TMEM17: variants seen among roughly 807,000 people sequenced by gnomAD.
The protein encoded by TMEM17 is transmembrane protein 17.
In TMEM17, 15 loss-of-function variants were observed where a neutral mutation model predicts 19.1. The ratio of observed to expected loss-of-function variants is 0.78; its 90% CI spans 0.52 to 1.21. The LOEUF (loss-of-function observed/expected upper bound fraction) is 1.21, where lower values mean the gene tolerates loss of function less well. Among genes scored for constraint, TMEM17 ranks in the 50% most tolerant of loss-of-function variants. The probability of loss-of-function intolerance (pLI) is 0.00; values close to 1 mark genes in which losing one functional copy is unlikely to be tolerated. For missense variants in TMEM17, 245 were observed against 242.3 expected, an observed-to-expected ratio of 1.01 and a Z score of -0.07; for synonymous variants, 103 against 86.9, an observed-to-expected ratio of 1.19 and a Z score of -1.03.
intron 1 of TMEM17, 59 bp downstream of exon 1, chr2:62,505,971 A>G (rs1034134367): frequency 4.3e-5 from 65 of 1,498,396 alleles, no homozygotes; most frequent in Non-Finnish European, 5.9e-5. Context: ...TGGACGCTCC[A>G]AAATCCACGC....
At chr2:62,492,438 G>A in the TMEM17 span, among the ~76,000 whole-genome samples, 1 of 152,172 alleles carries the variant, frequency 6.6e-6, no homozygotes, top group Non-Finnish European at 1.5e-5. Flanking sequence ...CATGAGTTTT[G>A]GGGATCCAGC....
At chr2:62,487,232 G>T in the TMEM17 span, among the ~76,000 whole-genome samples, 2 of 152,120 alleles carry the variant, frequency 1.3e-5, no homozygotes, top group Admixed American at 6.5e-5. Context: ...CTTACCTTTT[G>T]CCACCACATT....
the TMEM17 span, among the ~76,000 whole-genome samples, chr2:62,455,272 C>T: frequency 1.3e-5 from 2 of 152,154 alleles, no homozygotes; most frequent in African/African-American, 4.8e-5. Flanking sequence ...TCTTGAGACT[C>T]CTCCATATTG....
the TMEM17 span, among the ~76,000 whole-genome samples, chr2:62,466,403 G>A: frequency 1.3e-5 from 2 of 152,190 alleles, no homozygotes; most frequent in Admixed American, 6.5e-5. Context: ...GGGAGAAAAT[G>A]GATGTTGGGA....
At chr2:62,487,462 A>G in the TMEM17 span, among the ~76,000 whole-genome samples, 3 of 152,208 alleles carry the variant, frequency 2.0e-5, no homozygotes, top group Non-Finnish European at 4.4e-5. Context: ...CATGTAACCT[A>G]TTCACAGTTT....
chr2:62,477,019 GGA>G, the TMEM17 span, among the ~76,000 whole-genome samples: 10 of 152,208 alleles, frequency 6.6e-5, no homozygotes, highest in South Asian at 2.1e-3. Context: ...GAGGGACTGG[GGA>G]GAGAGAGGGA....
downstream of TMEM17, among the ~76,000 whole-genome samples, chr2:62,498,814 T>C (rs940500209): frequency 6.6e-6 from 1 of 152,084 alleles, no homozygotes; most frequent in Admixed American, 6.5e-5. Context: ...ACATTTTAAT[T>C]AAAAAATTTT....
At chr2:62,466,141 C>G in the TMEM17 span, among the ~76,000 whole-genome samples, 3 of 152,108 alleles carry the variant, frequency 2.0e-5, no homozygotes, top group Non-Finnish European at 4.4e-5. Flanking sequence ...AGAGAGGAAA[C>G]CTTCTGAAAA....
chr2:62,465,949 A>G, the TMEM17 span, among the ~76,000 whole-genome samples: 3 of 152,160 alleles, frequency 2.0e-5, no homozygotes, highest in African/African-American at 7.2e-5. Flanking sequence ...TGAGGCAGGA[A>G]AGGCCTCAAA....
chr2:62,496,904 T>G (rs1679792203), downstream of TMEM17, among the ~76,000 whole-genome samples: 1 of 152,280 alleles, frequency 6.6e-6, no homozygotes, highest in East Asian at 1.9e-4. Flanking sequence ...TCAAGACCTA[T>G]GATTGTGCCA....
At chr2:62,454,417 A>T in the TMEM17 span, among the ~76,000 whole-genome samples, 1 of 152,112 alleles carries the variant, frequency 6.6e-6, no homozygotes, top group South Asian at 2.1e-4. Flanking sequence ...TATGAGGCAA[A>T]CAGTGTGCAG....
At chr2:62,469,271 C>CCAGGATGGGAT in the TMEM17 span, among the ~76,000 whole-genome samples, 1 of 152,142 alleles carries the variant, frequency 6.6e-6, no homozygotes, top group Admixed American at 6.5e-5. Flanking sequence ...CAAAGAGGAC[C>CCAGGATGGGAT]CAGGATGGGA....
At chr2:62,499,233 T>G (rs1196842024), downstream of TMEM17, among the ~76,000 whole-genome samples, 1 of 152,184 alleles carries the variant, frequency 6.6e-6, no homozygotes. Flanking sequence ...GTTATTAATC[T>G]CTTAATTTTA....
chr2:62,460,677 G>A, the TMEM17 span, among the ~76,000 whole-genome samples: 4 of 152,242 alleles, frequency 2.6e-5, no homozygotes, highest in African/African-American at 7.2e-5. Flanking sequence ...CCTGAAGGTC[G>A]CATTTTTTCC....
the TMEM17 span, among the ~76,000 whole-genome samples, chr2:62,481,174 G>GT: frequency 7.4e-4 from 113 of 151,948 alleles, no homozygotes; most frequent in Non-Finnish European, 1.1e-3. Context: ...CAGGTTTTGT[G>GT]TTTTTTTGTT....
the TMEM17 span, among the ~76,000 whole-genome samples, chr2:62,481,978 C>G: frequency 1.3e-5 from 2 of 152,190 alleles, no homozygotes; most frequent in Non-Finnish European, 2.9e-5. Flanking sequence ...GAAAAGCTGG[C>G]ATCCTCTGTC....
downstream of TMEM17, among the ~76,000 whole-genome samples, chr2:62,499,359 T>A (rs1468165753): frequency 6.6e-6 from 1 of 152,196 alleles, no homozygotes; most frequent in Non-Finnish European, 1.5e-5. Flanking sequence ...AATTTTATTT[T>A]ATATTTTCTT....
chr2:62,488,144 G>C, the TMEM17 span, among the ~76,000 whole-genome samples: 1 of 152,144 alleles, frequency 6.6e-6, no homozygotes, highest in East Asian at 1.9e-4. Context: ...TGTCAGACCT[G>C]GATTCAGATT....
the TMEM17 span, among the ~76,000 whole-genome samples, chr2:62,481,326 TGA>T: frequency 6.6e-6 from 1 of 152,230 alleles, no homozygotes; most frequent in Non-Finnish European, 1.5e-5. Flanking sequence ...TCATCAGTTC[TGA>T]GAGGTTTTTG....
Sources: gnomAD v4.1 joint callset for allele counts (sites outside exome capture counted in the v4.1 genomes callset) on GRCh38, gnomAD v4.1.1 for gene constraint, MANE v1.5 for transcripts, NCBI Gene and HGNC (gene_info 2026-07-23, HGNC 2026-07-21) for gene names.